DNAH8: variants seen among roughly 807,000 people sequenced by gnomAD.
The protein encoded by DNAH8 is dynein axonemal heavy chain 8.
DNAH8 carries 382 observed loss-of-function variants against 562.1 expected under a neutral mutation model. That is an observed-to-expected ratio of 0.68 (90% CI 0.63 to 0.74). DNAH8 has a LOEUF of 0.74. Ranked by LOEUF, DNAH8 falls within the 30% of genes least tolerant of loss-of-function variation. The pLI is 0.00. For missense variants in DNAH8, 5,203 were observed against 5,620.4 expected (o/e 0.93, Z 2.37); for synonymous variants, 1,881 against 1,919.4 (o/e 0.98, Z 0.52).
chr6:38,780,142 T>C, intron 15 of DNAH8, 77 bp downstream of exon 15: 1 of 1,368,150 alleles, frequency 7.3e-7, no homozygotes, highest in African/African-American at 1.5e-5. Context: ...GCCATCATTG[T>C]CTCATGCCAA....
Position 39,026,674 on chromosome 6 carries a change from G to A in DNAH8, c.13836+7G>A, listed in dbSNP as rs780698847. On this transcript the variant is annotated splice_region_variant and intron_variant, in intron 92 of 92. Transcript: ENST00000327475. ...GATCACGTCACCCCCTGGGGTAGGC[G>A]TTGCTGGGCAATAGCAGGGACCATT... is the stretch of plus-strand genomic sequence containing the variant. The A allele has an allele frequency of 3.6e-5, 58 of 1,612,296 alleles. No homozygotes were observed. The South Asian group carries it at 5.4e-4, about 15-fold the overall frequency.
intron 37 of DNAH8, 41 bp downstream of exon 37, chr6:38,848,842 G>A (rs765280010): frequency 1.3e-6 from 2 of 1,592,070 alleles, no homozygotes; most frequent in Middle Eastern, 1.7e-4. Context: ...ATAATTTGGT[G>A]TATGTTGTCT....
At chr6:38,907,135 A>G (rs11753074) in intron 63 of DNAH8, among the ~76,000 whole-genome samples, 16,134 of 152,304 alleles carry the variant, frequency 0.11, 1,038 homozygotes, top group South Asian at 0.23. Context: ...GTAAGGATAC[A>G]GAGCCAGATC....
At chr6:38,756,742 T>G (rs1765950269) in intron 10 of DNAH8, among the ~76,000 whole-genome samples, 1 of 149,208 alleles carries the variant, frequency 6.7e-6, no homozygotes, top group South Asian at 2.2e-4. Context: ...CATTGTTCAA[T>G]TCCCACCTCT....
intron 79 of DNAH8, among the ~76,000 whole-genome samples, chr6:38,940,221 G>A (rs1398159866): frequency 6.6e-6 from 1 of 152,174 alleles, no homozygotes; most frequent in African/African-American, 2.4e-5. Context: ...TCCTAACCTA[G>A]CGTAAAGGCA....
In DNAH8 at chr6:38,873,052, G is replaced by A. The variant is rs201809379; in HGVS notation, c.7384G>A (p.Val2462Ile). 344 of 1,614,002 alleles carry A rather than the reference G, an allele frequency of 2.1e-4. 1 individual carries two copies. The highest frequency in any genetic ancestry group is 2.8e-4 in the Non-Finnish European group (332 of 1,180,004). ...MAPSCKLLFEVHNIENASPAT... is the reference protein window; with the variant it reads ...MAPSCKLLFEIHNIENASPAT... Reference sequence around the variant, plus strand: ...CCCTAGTTGTAAGCTTCTGTTTGAAGTCCACAATATCGAGAACGCCTCTCC... The same window carrying A: ...CCCTAGTTGTAAGCTTCTGTTTGAAATCCACAATATCGAGAACGCCTCTCC... The change falls in exon 51 of 93, where the codon GTC becomes ATC. Residue 2462 changes from valine (V) to isoleucine (I), a missense_variant. Transcript: ENST00000327475.
intron 28 of DNAH8, among the ~76,000 whole-genome samples, chr6:38,825,069 T>G (rs1468622150): frequency 1.3e-5 from 2 of 152,176 alleles, no homozygotes; most frequent in African/African-American, 4.8e-5. Context: ...CTGGGGAGCT[T>G]GTTTTTGGAG....
chr6:39,026,729 G>T, intron 92 of DNAH8, 62 bp downstream of exon 92: 1 of 1,576,572 alleles, frequency 6.3e-7, no homozygotes. Flanking sequence ...TTCAAGTTCT[G>T]CTTAAAACTG....
At chr6:38,755,011 CAAA>C (rs1413275056) in intron 9 of DNAH8, among the ~76,000 whole-genome samples, 1 of 152,022 alleles carries the variant, frequency 6.6e-6, no homozygotes, top group African/African-American at 2.4e-5. Context: ...CATACATTCT[CAAA>C]GAAGTTTGAT....
intron 59 of DNAH8, among the ~76,000 whole-genome samples, chr6:38,895,096 T>TTTG (rs766500764): frequency 4.0e-5 from 6 of 151,730 alleles, no homozygotes; most frequent in African/African-American, 9.7e-5. Context: ...GGCCGGCTAT[T>TTTG]TTGTTGTTGT....
intron 41 of DNAH8, 144 bp from the exon 42 acceptor site, chr6:38,857,372 CTT>C (rs976453082): frequency 4.9e-6 from 3 of 616,022 alleles, no homozygotes; most frequent in Non-Finnish European, 8.7e-6. Flanking sequence ...ACGGTTAAAA[CTT>C]TAACTGTTTC....
At chr6:38,858,553 G>A (rs907909981) in intron 42 of DNAH8, among the ~76,000 whole-genome samples, 4 of 152,162 alleles carry the variant, frequency 2.6e-5, no homozygotes, top group African/African-American at 4.8e-5. Context: ...GCTGACCAGT[G>A]CTTTGGTATC....
chr6:38,955,845 G>T (rs531052825), intron 82 of DNAH8, among the ~76,000 whole-genome samples: 1 of 152,274 alleles, frequency 6.6e-6, no homozygotes, highest in Non-Finnish European at 1.5e-5. Flanking sequence ...TAAAATCCAA[G>T]ACCTAGGAGG....
chr6:38,963,265 T>C lies in DNAH8; in HGVS notation c.12452-8327T>C, dbSNP rs1015352810. Reference sequence around the variant, plus strand: ...GGGAGTCCTTTTTCTTTTTTTTTTTTTTTTTTTTTTTTTTTGTAAAGGACA... The same window carrying C: ...GGGAGTCCTTTTTCTTTTTTTTTTTCTTTTTTTTTTTTTTTGTAAAGGACA... On this transcript the variant is annotated intron_variant, in intron 82 of 92. Coordinates refer to ENST00000327475, the MANE Select transcript of DNAH8 (RefSeq NM_001206927.2). Among the ~76,000 whole-genome samples the C allele has an allele frequency of 1.2e-3, 86 of 68,832 alleles. 1 individual carries two copies. The highest frequency in any genetic ancestry group is 4.0e-3 in the African/African-American group (79 of 19,556). 45.2% of individuals were successfully genotyped at this position (68,832 alleles called of 152,430 possible).
At chr6:39,021,263 G>A (rs1766901140) in intron 91 of DNAH8, among the ~76,000 whole-genome samples, 2 of 152,184 alleles carry the variant, frequency 1.3e-5, no homozygotes, top group East Asian at 3.9e-4. Flanking sequence ...TCACCTGGGA[G>A]CTTGATTGAA....
At chr6:38,902,847 A>G (rs962868665) in intron 62 of DNAH8, among the ~76,000 whole-genome samples, 1 of 152,204 alleles carries the variant, frequency 6.6e-6, no homozygotes, top group African/African-American at 2.4e-5. Flanking sequence ...ATGACACTCT[A>G]ATTTCTCTAG....
At chr6:38,930,538 A>T (rs1294816797) in intron 75 of DNAH8, among the ~76,000 whole-genome samples, 2 of 152,166 alleles carry the variant, frequency 1.3e-5, no homozygotes, top group Non-Finnish European at 2.9e-5. Context: ...TTAAGCCTTT[A>T]TGAGTTTATA....
At position 38,780,082 on chromosome 6, in the gene DNAH8, T is replaced by C. The variant is rs1347946159; in HGVS notation, c.2139+17T>C. On this transcript the variant is annotated intron_variant, in intron 15 of 92. Coordinates refer to ENST00000327475, the MANE Select transcript of DNAH8 (RefSeq NM_001206927.2). Reference sequence around the variant, plus strand: ...ACTAAGAAGGCAAGTGTCATGTTTATAAATAAAATGGTACATTAGCACAAA... The same window carrying C: ...ACTAAGAAGGCAAGTGTCATGTTTACAAATAAAATGGTACATTAGCACAAA... 6.2e-7 allele frequency: 1 copy of C among 1,607,556 alleles called. No individual in the cohort carries two copies. Among genetic ancestry groups the C allele is most frequent in the Non-Finnish European group, 8.5e-7 (1 of 1,175,602 alleles).
At chr6:38,727,391 G>A (rs1763311374) in intron 3 of DNAH8, among the ~76,000 whole-genome samples, 1 of 152,216 alleles carries the variant, frequency 6.6e-6, no homozygotes, top group Non-Finnish European at 1.5e-5. Flanking sequence ...CCACTGGGAG[G>A]CACAGCAGGA....
Sources: allele counts gnomAD v4.1 joint callset (sites outside exome capture counted in the v4.1 genomes callset), GRCh38; gene constraint gnomAD v4.1.1; transcripts MANE v1.5; gene names NCBI Gene and HGNC (gene_info 2026-07-23, HGNC 2026-07-21).